The following WDPCP variants were observed in gnomAD, a reference collection of about 807,000 sequenced individuals.
WDPCP encodes WD repeat containing planar cell polarity effector.
Under a neutral mutation model 93.1 loss-of-function variants are expected in WDPCP, and 71 were observed. The ratio of observed to expected loss-of-function variants is 0.76; its 90% CI spans 0.63 to 0.93. The LOEUF is 0.93. Ranked by LOEUF, WDPCP falls within the 40% of genes least tolerant of loss-of-function variation. The pLI is 0.00. For synonymous variants in WDPCP, 315 were observed against 315.0 expected, an observed-to-expected ratio of 1.00 and a Z score of 0.00; for missense variants, 844 against 887.4, an observed-to-expected ratio of 0.95 and a Z score of 0.62.
At chr2:63,232,441 G>T (rs1355874349) in intron 14 of WDPCP, 2 of 152,214 alleles carry the variant, frequency 1.3e-5, no homozygotes, top group Non-Finnish European at 2.9e-5. Flanking sequence ...TCTAAGTTTA[G>T]ACACAGATTT....
chr2:63,412,019 C>T (rs1184854215), intron 9 of WDPCP, among the ~76,000 whole-genome samples: 3 of 152,090 alleles, frequency 2.0e-5, no homozygotes, highest in Non-Finnish European at 4.4e-5. Context: ...ACCTTCCCTA[C>T]TTCATTCTAT....
At chr2:63,528,447 T>A (rs1286116742) in intron 1 of WDPCP, among the ~76,000 whole-genome samples, 2 of 152,252 alleles carry the variant, frequency 1.3e-5, no homozygotes, top group African/African-American at 4.8e-5. Flanking sequence ...CTAGCCAGTT[T>A]TCCCAGCACC....
At chr2:63,706,806 T>C (rs201152622) in intron 2 of WDPCP, among the ~76,000 whole-genome samples, 2,518 of 151,482 alleles carry the variant, frequency 0.017, 20 homozygotes, top group African/African-American at 0.018. Flanking sequence ...TTAGTAGAGA[T>C]GGGGTTTCAC....
rs545287896 is a variant in WDPCP, at chr2:63,620,536, G to T, written n.488+30123C>A. On this transcript the variant is annotated intron_variant and non_coding_transcript_variant, in intron 3 of 4. Transcript: ENST00000467687. ...CAGCAGCCCCCGTCAGGGGCTTACAGATAAAATTCCCATCTCCCTGGGACA... is the reference window on the plus strand; with the variant it reads ...CAGCAGCCCCCGTCAGGGGCTTACATATAAAATTCCCATCTCCCTGGGACA... 1.5e-4 allele frequency among the ~76,000 whole-genome samples: 23 copies of T among 152,328 alleles called. No individual in the cohort carries two copies. The South Asian group carries it at 4.3e-3, about 29-fold the overall frequency.
In WDPCP at chr2:63,389,544, C is replaced by T. The variant is rs1693041744; in HGVS notation, c.1436-7450G>A. Among the ~76,000 whole-genome samples, 4 of 152,170 alleles carry T rather than the reference C, an allele frequency of 2.6e-5. No individual in the cohort carries two copies. In the South Asian group the frequency reaches 8.3e-4, roughly 32 times the overall value. On this transcript the variant is annotated intron_variant, in intron 10 of 17. Transcript: ENST00000272321. ...ATGACAGGATCACATTCACACATAA[C>T]AATATTAACCTTAAATGTAAATGGG...
At chr2:63,222,771 T>C (rs966006378) in intron 14 of WDPCP, among the ~76,000 whole-genome samples, 2 of 152,196 alleles carry the variant, frequency 1.3e-5, no homozygotes, top group Admixed American at 1.3e-4. Flanking sequence ...TAGTATAGAA[T>C]TGTTACATGA....
chr2:63,353,791 C>G (rs1043049313), intron 12 of WDPCP, among the ~76,000 whole-genome samples: 4 of 152,186 alleles, frequency 2.6e-5, no homozygotes, highest in Non-Finnish European at 5.9e-5. Flanking sequence ...TGTTTTGCAG[C>G]CTTCCCTGGT....
chr2:63,718,692 C>T (rs1161876588), intron 2 of WDPCP, among the ~76,000 whole-genome samples: 1 of 152,050 alleles, frequency 6.6e-6, no homozygotes, highest in African/African-American at 2.4e-5. Flanking sequence ...TTCTCCCATT[C>T]TGTAGGTTGT....
At chr2:63,503,456 A>G (rs1349334531) in intron 1 of WDPCP, among the ~76,000 whole-genome samples, 1 of 152,190 alleles carries the variant, frequency 6.6e-6, no homozygotes, top group Admixed American at 6.5e-5. Context: ...TAATTGCAAT[A>G]GTTTATATCA....
chr2:63,446,352 G>C (rs1379393217), intron 6 of WDPCP, among the ~76,000 whole-genome samples: 1 of 152,198 alleles, frequency 6.6e-6, no homozygotes, highest in African/African-American at 2.4e-5. Context: ...CTGTGCATGT[G>C]TTCTCAACTG....
chr2:63,492,625 A>T (rs1006984277), intron 2 of WDPCP, among the ~76,000 whole-genome samples: 1 of 152,114 alleles, frequency 6.6e-6, no homozygotes, highest in African/African-American at 2.4e-5. Flanking sequence ...AAGAGAGAAC[A>T]AATATTAAGC....
At chr2:63,456,785 G>C (rs1018164900) in intron 6 of WDPCP, among the ~76,000 whole-genome samples, 1 of 152,190 alleles carries the variant, frequency 6.6e-6, no homozygotes, top group African/African-American at 2.4e-5. Flanking sequence ...GGGAGGCTGA[G>C]GCAGGCGAAT....
At chr2:63,432,328 G>C (rs547978607) in intron 9 of WDPCP, among the ~76,000 whole-genome samples, 5 of 152,144 alleles carry the variant, frequency 3.3e-5, no homozygotes, top group Non-Finnish European at 7.4e-5. Flanking sequence ...ACTTTCTGTT[G>C]GGTCCCACTA....
At chr2:63,497,111 CA>C (rs10667775) in intron 1 of WDPCP, among the ~76,000 whole-genome samples, 128 of 72,466 alleles carry the variant, frequency 1.8e-3, no homozygotes, top group South Asian at 0.015. Context: ...GACTCCATCT[CA>C]AAAAAAAAAA....
At chr2:63,797,614 A>G (rs1423235324) in intron 2 of WDPCP, among the ~76,000 whole-genome samples, 1 of 152,150 alleles carries the variant, frequency 6.6e-6, no homozygotes, top group Admixed American at 6.5e-5. Flanking sequence ...GAAAAAGAAA[A>G]AAAAAGAAAA....
intron 1 of WDPCP, among the ~76,000 whole-genome samples, chr2:63,570,865 T>C (rs1466745446): frequency 2.0e-5 from 3 of 152,210 alleles, no homozygotes; most frequent in South Asian, 2.1e-4. Context: ...GTTCAAATCC[T>C]TGCTCTGCCA....
At chr2:63,766,904 C>G (rs879336593) in intron 2 of WDPCP, among the ~76,000 whole-genome samples, 12 of 152,114 alleles carry the variant, frequency 7.9e-5, no homozygotes, top group Non-Finnish European at 1.8e-4. Context: ...CTCCCATTCC[C>G]TTCTATCCCG....
chr2:63,140,421 A>C (rs972453279), intron 17 of WDPCP, among the ~76,000 whole-genome samples: 1 of 152,126 alleles, frequency 6.6e-6, no homozygotes, highest in Non-Finnish European at 1.5e-5. Flanking sequence ...CATTTTCACA[A>C]TATTGATTCT....
intron 14 of WDPCP, among the ~76,000 whole-genome samples, chr2:63,226,129 T>G (rs1678271045): frequency 6.6e-6 from 1 of 151,860 alleles, no homozygotes; most frequent in Non-Finnish European, 1.5e-5. Flanking sequence ...CAGGAGTTTG[T>G]GATGACAGCT....
Sources: gnomAD v4.1 joint callset for allele counts (sites outside exome capture counted in the v4.1 genomes callset) on GRCh38, gnomAD v4.1.1 for gene constraint, MANE v1.5 for transcripts, NCBI Gene and HGNC (gene_info 2026-07-23, HGNC 2026-07-21) for gene names.